Variants in COL8A1 observed in about 807,000 individuals in gnomAD.
The protein encoded by COL8A1 is collagen alpha-1(VIII) chain.
Under a neutral mutation model 42.7 loss-of-function variants are expected in COL8A1, and 21 were observed. That is an observed-to-expected ratio of 0.49 (90% CI 0.35 to 0.71). COL8A1 has a LOEUF of 0.71. Ranked by LOEUF, COL8A1 falls within the 30% of genes least tolerant of loss-of-function variation. COL8A1 has a pLI of 0.01. For missense variants in COL8A1, 788 were observed against 962.4 expected (o/e 0.82, Z 2.40); for synonymous variants, 367 against 369.1 (o/e 0.99, Z 0.06).
intron 2 of COL8A1, among the ~76,000 whole-genome samples, chr3:99,773,815 G>GTGTATATATATATA (rs1403823634): frequency 8.6e-4 from 31 of 35,912 alleles, no homozygotes; most frequent in Middle Eastern, 0.033. Flanking sequence ...ATATATGTGT[G>GTGTATATATATATA]TATATATATA....
intron 1 of COL8A1, among the ~76,000 whole-genome samples, chr3:99,730,744 G>A (rs1276122733): frequency 1.3e-5 from 2 of 152,168 alleles, no homozygotes; most frequent in African/African-American, 2.4e-5. Flanking sequence ...AGCCTGTTGA[G>A]TGGTGGTACA....
chr3:99,657,995 C>T (rs1938078415), intron 1 of COL8A1, among the ~76,000 whole-genome samples: 1 of 151,904 alleles, frequency 6.6e-6, no homozygotes, highest in South Asian at 2.1e-4. Flanking sequence ...GGTGTGATGG[C>T]ATGCTCTTGT....
rs146971529 is a variant in COL8A1, at chr3:99,647,948, A to G, written c.-129+9284A>G. Among the ~76,000 whole-genome samples, 844 of 152,322 alleles carry G rather than the reference A, an allele frequency of 5.5e-3. 6 individuals are homozygous for G. The highest frequency in any genetic ancestry group is 0.01 in the Middle Eastern group (3 of 294). On this transcript the variant is annotated intron_variant, in intron 1 of 3. Coordinates refer to ENST00000652472, the MANE Select transcript of COL8A1 (RefSeq NM_020351.4). ...TTCACAAAGTTAGTGCCTGGAGGTC[A>G]GTATCCCGTAAGTGGCACAGTTGAG...
At chr3:99,661,181 A>G (rs1258591958) in intron 1 of COL8A1, among the ~76,000 whole-genome samples, 2 of 152,228 alleles carry the variant, frequency 1.3e-5, no homozygotes, top group Non-Finnish European at 2.9e-5. Flanking sequence ...ATAGAATTGG[A>G]GAAAATTCTT....
chr3:99,646,297 C>T (rs905952006), intron 1 of COL8A1, among the ~76,000 whole-genome samples: 4 of 152,142 alleles, frequency 2.6e-5, no homozygotes, highest in Admixed American at 2.6e-4. Flanking sequence ...CAGCAATCCT[C>T]TAAGATCATT....
chr3:99,797,683 T>C lies in COL8A1; in HGVS notation c.*1547T>C, dbSNP rs1274968503. 1 of 152,204 alleles carries C rather than the reference T, an allele frequency of 6.6e-6. No individual in the cohort carries two copies. The highest frequency in any genetic ancestry group is 1.5e-5 in the Non-Finnish European group (1 of 68,032). The allele number at this position is 152,204 out of a possible 1,614,324, so 9.4% of individuals were successfully genotyped here. A position where few individuals can be genotyped will look rare whatever the true frequency, so the allele number is the denominator to read the frequency against. ...CTGAAATTTCGAATTTAAAAACAGATGTGCTGCTTCTGGGTGTAGGTAGTA... is the reference window on the plus strand; with the variant it reads ...CTGAAATTTCGAATTTAAAAACAGACGTGCTGCTTCTGGGTGTAGGTAGTA... On this transcript the variant is annotated 3_prime_UTR_variant, in exon 4 of 4. Transcript: ENST00000652472.
chr3:99,690,817 T>C (rs1400227647), intron 1 of COL8A1, among the ~76,000 whole-genome samples: 1 of 152,186 alleles, frequency 6.6e-6, no homozygotes, highest in East Asian at 1.9e-4. Flanking sequence ...AAACAGGATA[T>C]TTTCCCTGGA....
At chr3:99,726,753 T>C (rs570713428) in intron 1 of COL8A1, among the ~76,000 whole-genome samples, 3 of 152,038 alleles carry the variant, frequency 2.0e-5, no homozygotes, top group East Asian at 3.9e-4. Context: ...AGGGCTCTGT[T>C]CTGTTCCATT....
rs796408962 is a variant in COL8A1, at chr3:99,698,742, T to C, written c.-128-46155T>C. Among the ~76,000 whole-genome samples the C allele has an allele frequency of 1.6e-4, 24 of 152,356 alleles. 1 individual carries two copies. Among genetic ancestry groups the C allele is most frequent in the African/African-American group, 5.5e-4 (23 of 41,580 alleles). ...CTCTGTGTATGTACTGTATGTATAT[T>C]TCTTATTTATGACATGTCTTTCCTA... On this transcript the variant is annotated intron_variant, in intron 1 of 3. Coordinates refer to ENST00000652472, the MANE Select transcript of COL8A1 (RefSeq NM_020351.4).
At chr3:99,715,290 A>T (rs527958965) in intron 1 of COL8A1, among the ~76,000 whole-genome samples, 1 of 152,254 alleles carries the variant, frequency 6.6e-6, no homozygotes, top group African/African-American at 2.4e-5. Flanking sequence ...CAGTAAACAA[A>T]TGAGAAATGA....
At chr3:99,726,694 T>C (rs1940339443) in intron 1 of COL8A1, among the ~76,000 whole-genome samples, 1 of 152,022 alleles carries the variant, frequency 6.6e-6, no homozygotes, top group Non-Finnish European at 1.5e-5. Context: ...CTTGTTTTTC[T>C]CAGGTTTGTC....
At chr3:99,793,833 C>T (rs1293842105) in intron 3 of COL8A1, among the ~76,000 whole-genome samples, 1 of 151,816 alleles carries the variant, frequency 6.6e-6, no homozygotes, top group Non-Finnish European at 1.5e-5. Flanking sequence ...CTCACTGCAA[C>T]CTCTGCCTCC....
chr3:99,639,281 C>G (rs1937456354), intron 1 of COL8A1, among the ~76,000 whole-genome samples: 3 of 152,194 alleles, frequency 2.0e-5, no homozygotes, highest in African/African-American at 4.8e-5. Context: ...AGAATGTGCT[C>G]TCTCACCAGG....
intron 1 of COL8A1, chr3:99,691,915 G>A (rs926218198): frequency 1.3e-5 from 2 of 152,076 alleles, no homozygotes; most frequent in Admixed American, 6.6e-5. Flanking sequence ...AAGTGTTAAT[G>A]TTACAACAAA....
At chr3:99,715,701 A>G (rs1362923856) in intron 1 of COL8A1, among the ~76,000 whole-genome samples, 1 of 152,102 alleles carries the variant, frequency 6.6e-6, no homozygotes, top group Non-Finnish European at 1.5e-5. Flanking sequence ...CAAAGAAAGA[A>G]TAATTTTTTT....
intron 2 of COL8A1, among the ~76,000 whole-genome samples, chr3:99,755,663 T>G (rs576427868): frequency 3.3e-5 from 5 of 152,342 alleles, no homozygotes; most frequent in Admixed American, 3.3e-4. Flanking sequence ...AGGTGACATG[T>G]GATCTGAGAT....
rs1404512849 is a variant in COL8A1 at position 99,744,916 on chromosome 3, G to A, written c.-109G>A. Reference sequence around the variant, plus strand: ...CTTTAGAAGCTGTTGTGAAGGCAGAGCAGCATCTGCTGAAGAGACAGAAAC... The same window carrying A: ...CTTTAGAAGCTGTTGTGAAGGCAGAACAGCATCTGCTGAAGAGACAGAAAC... On this transcript the variant is annotated 5_prime_UTR_variant, in exon 2 of 4. Transcript: ENST00000652472. 1 of 152,222 alleles carries A rather than the reference G, an allele frequency of 6.6e-6. No homozygotes were observed. The allele number at this position is 152,222 out of a possible 1,614,324, so 9.4% of individuals were successfully genotyped here.
Position 99,734,401 on chromosome 3 carries a change from T to C in COL8A1, c.-128-10496T>C, listed in dbSNP as rs1327519325. 3.4e-3 allele frequency among the ~76,000 whole-genome samples: 508 copies of C among 148,098 alleles called. 5 individuals are homozygous for C. The highest frequency in any genetic ancestry group is 0.012 in the African/African-American group (478 of 38,722). On this transcript the variant is annotated intron_variant, in intron 1 of 3. Transcript: ENST00000652472. ...AGTTTTCCCAGCACCATTTATTAAA[T>C]AGGGAATCCTTTCCCCATTGCTTGT... is the stretch of plus-strand genomic sequence containing the variant.
At chr3:99,735,182 A>G (rs2107391142) in intron 1 of COL8A1, among the ~76,000 whole-genome samples, 1 of 141,870 alleles carries the variant, frequency 7.0e-6, no homozygotes, top group East Asian at 2.1e-4. Flanking sequence ...AACTTCCAAC[A>G]CTATGTTGAA....
Sources: gnomAD v4.1 joint callset for allele counts (sites outside exome capture counted in the v4.1 genomes callset) on GRCh38, gnomAD v4.1.1 for gene constraint, MANE v1.5 for transcripts, NCBI Gene and HGNC (gene_info 2026-07-23, HGNC 2026-07-21) for gene names.